Variants in DNAH17 observed in about 807,000 individuals in gnomAD.
The protein encoded by DNAH17 is axonemal beta dynein heavy chain 17.
In DNAH17, 376 loss-of-function variants were observed where a neutral mutation model predicts 485.6. The observed-to-expected ratio is 0.77, with a 90% CI of 0.71 to 0.84. The LOEUF is 0.84. Among genes scored for constraint, DNAH17 ranks in the 40% least tolerant of loss-of-function variants. The probability of loss-of-function intolerance (pLI) is 0.00; values close to 1 mark genes in which losing one functional copy is unlikely to be tolerated. For missense variants in DNAH17, 6,370 were observed against 5,839.3 expected (o/e 1.09, Z -2.96); for synonymous variants, 3,031 against 2,405.9 (o/e 1.26, Z -7.60).
chr17:78,555,230 C>T (rs1324752401), intron 14 of DNAH17, among the ~76,000 whole-genome samples: 7 of 152,048 alleles, frequency 4.6e-5, no homozygotes, highest in East Asian at 1.9e-4. Context: ...AGCAGGATTC[C>T]GTCCATCAGG....
At position 78,537,052 on chromosome 17, in the gene DNAH17, C is replaced by A. The variant is rs1218427094; in HGVS notation, c.2859+247G>T. ...AATTAGCCGGGTGTGGTGGCGGGTG[C>A]CTGTAATCCCAGCTACTCGGGACGC... On this transcript the variant is annotated intron_variant, in intron 19 of 80. Coordinates refer to ENST00000389840, the MANE Select transcript of DNAH17 (RefSeq NM_173628.4). Among the ~76,000 whole-genome samples the A allele has an allele frequency of 4.0e-5, 6 of 151,868 alleles. No individual in the cohort carries two copies. In the East Asian group the frequency reaches 1.2e-3, roughly 30 times the overall value.
intron 27 of DNAH17, among the ~76,000 whole-genome samples, chr17:78,508,837 T>G (rs543783555): frequency 6.6e-4 from 101 of 152,150 alleles, no homozygotes; most frequent in Admixed American, 1.0e-3. Flanking sequence ...AGGGACAGGG[T>G]CCAGCCCAGG....
intron 25 of DNAH17, chr17:78,522,703 C>CA (rs1351741680): frequency 2.5e-5 from 5 of 198,882 alleles, no homozygotes; most frequent in Non-Finnish European, 5.3e-5. Context: ...TCAGAGAATG[C>CA]AAAAAAGACA....
At chr17:78,517,625 T>C (rs2090822919) in intron 25 of DNAH17, among the ~76,000 whole-genome samples, 1 of 152,150 alleles carries the variant, frequency 6.6e-6, no homozygotes, top group African/African-American at 2.4e-5. Context: ...GGCTCCCGAA[T>C]TGCCTCCTCT....
intron 20 of DNAH17, among the ~76,000 whole-genome samples, chr17:78,531,624 C>CA (rs1568207069): frequency 6.6e-6 from 1 of 152,198 alleles, no homozygotes; most frequent in Non-Finnish European, 1.5e-5. Flanking sequence ...AGGCGTGAGC[C>CA]ACCACGCCCG....
At chr17:78,520,040 G>A (rs1247683367) in intron 25 of DNAH17, among the ~76,000 whole-genome samples, 2 of 152,164 alleles carry the variant, frequency 1.3e-5, no homozygotes, top group Non-Finnish European at 2.9e-5. Flanking sequence ...GAACCCAGGA[G>A]GCAGAGGTTG....
chr17:78,494,260 G>C (rs762575308), intron 40 of DNAH17, 87 bp from the exon 41 acceptor site: 25 of 1,519,596 alleles, frequency 1.6e-5, no homozygotes, highest in Non-Finnish European at 2.2e-5. Context: ...CCTGCCCCGT[G>C]GGGGAGATGA....
intron 3 of DNAH17, 21 bp downstream of exon 3, chr17:78,572,680 G>A (rs1415716153): frequency 6.3e-7 from 1 of 1,578,530 alleles, no homozygotes; most frequent in Non-Finnish European, 8.6e-7. Context: ...GCGGCAGCCG[G>A]AAGCAGCTGG....
intron 77 of DNAH17, 41 bp downstream of exon 77, chr17:78,428,484 T>TC (rs1198632164): frequency 8.4e-6 from 13 of 1,555,330 alleles, no homozygotes; most frequent in South Asian, 3.6e-5. Flanking sequence ...TTCTAGATCC[T>TC]CCCCCTTCCT....
intron 25 of DNAH17, among the ~76,000 whole-genome samples, chr17:78,516,299 T>C (rs1185955964): frequency 1.3e-5 from 2 of 152,234 alleles, no homozygotes; most frequent in East Asian, 3.8e-4. Context: ...ATGTGGACTT[T>C]ATTCTCCTGT....
intron 54 of DNAH17, chr17:78,472,698 C>G: frequency 8.8e-6 from 4 of 453,520 alleles, no homozygotes; most frequent in South Asian, 4.7e-5. Flanking sequence ...GCCGAGTCCC[C>G]GAGGTCACGC....
chr17:78,482,123 G>T (rs937547841), intron 48 of DNAH17, among the ~76,000 whole-genome samples: 4 of 134,094 alleles, frequency 3.0e-5, no homozygotes, highest in Non-Finnish European at 4.6e-5. Flanking sequence ...TCTCACCCCG[G>T]CTGGAGTGCA....
rs550140181 is a variant in DNAH17, at chr17:78,485,324, A to G, written c.7483+226T>C. Among the ~76,000 whole-genome samples, 118 of 111,418 alleles carry G rather than the reference A, an allele frequency of 1.1e-3. 1 individual carries two copies. The highest frequency in any genetic ancestry group is 3.1e-3 in the African/African-American group (115 of 37,380). The allele number at this position is 111,418 out of a possible 152,430, so 73.1% of individuals were successfully genotyped here. A position where few individuals can be genotyped will look rare whatever the true frequency, so the allele number is the denominator to read the frequency against. On this transcript the variant is annotated intron_variant, in intron 47 of 80. Transcript: ENST00000389840. ...GGGGGACCTGCTGCCTCGACTGGCC[A>G]TCAAAACCCCATCACCATGCCCACA...
chr17:78,538,138 C>CAAAAA (rs60460125), intron 18 of DNAH17, among the ~76,000 whole-genome samples: 15 of 106,278 alleles, frequency 1.4e-4, no homozygotes, highest in East Asian at 2.7e-4. Flanking sequence ...ACTCTGTCTC[C>CAAAAA]AAAAAAAAAA....
chr17:78,440,941 G>T, intron 72 of DNAH17, 110 bp downstream of exon 72: 1 of 1,343,284 alleles, frequency 7.4e-7, no homozygotes, highest in Non-Finnish European at 1.0e-6. Context: ...GTGAAGCCGC[G>T]TCTTGGGTGT....
rs754934381 is a variant in DNAH17 at position 78,460,254 on chromosome 17, C to T, written c.9343G>A (p.Val3115Ile). 203 of 1,598,480 alleles carry T rather than the reference C, an allele frequency of 1.3e-4. 2 individuals carry two copies. The South Asian group carries it at 1.6e-3, about 12-fold the overall frequency. ...TCACAGGCCTTTTGCTTCTCAGTGA[C>T]GTTCTGGAAGGAAGATGGACAGGAG... ...EVKVEVINKNVTEKQKACETD... is the reference protein window; with the variant it reads ...EVKVEVINKNITEKQKACETD... The change falls in exon 59 of 81, where the codon GTC (valine) becomes ATC (isoleucine). Residue 3115 changes from valine (V) to isoleucine (I), a missense_variant. Transcript: ENST00000389840.
chr17:78,441,153 T>C lies in DNAH17; in HGVS notation c.11575A>G (p.Ser3859Gly), dbSNP rs767306930. ...KMGSKFVEGR[S>G]VEFSKSYEES... ...TCGTAGGACTTAGAAAACTCAACAC[T>C]CCGGCCTTCCACGAACTTGCTGCCC... The change falls in exon 72 of 81, where the codon AGT (serine) becomes GGT (glycine). Residue 3859 changes from serine to glycine, a missense_variant. By Grantham distance (56) the Ser-to-Gly change is moderately conservative (BLOSUM62 0). Coordinates refer to ENST00000389840, the MANE Select transcript of DNAH17 (RefSeq NM_173628.4). 6 of 1,613,880 alleles carry C rather than the reference T, an allele frequency of 3.7e-6. No homozygotes were observed. The highest frequency in any genetic ancestry group is 2.2e-5 in the South Asian group (2 of 91,084).
intron 4 of DNAH17, 94 bp downstream of exon 4, chr17:78,571,496 G>A: frequency 6.6e-7 from 1 of 1,515,502 alleles, no homozygotes; most frequent in African/African-American, 1.4e-5. Flanking sequence ...GAGCCCTCAG[G>A]ACTCCTGGGA....
chr17:78,558,095 C>T lies in DNAH17; in HGVS notation c.2178+13G>A. 1 of 1,610,070 alleles carries T rather than the reference C, an allele frequency of 6.2e-7. No homozygotes were observed. On this transcript the variant is annotated intron_variant, in intron 14 of 80. Transcript: ENST00000389840. ...AAAGCTGCATCAGGAATAGTACCGA[C>T]TCACCAACTCACCTCATTATACCAG...
Sources: gnomAD v4.1 joint callset for allele counts (sites outside exome capture counted in the v4.1 genomes callset) on GRCh38, gnomAD v4.1.1 for gene constraint, MANE v1.5 for transcripts, NCBI Gene and HGNC (gene_info 2026-07-23, HGNC 2026-07-21) for gene names.